The following RUNDC3B variants were observed in gnomAD, a reference collection of about 807,000 sequenced individuals.
RUNDC3B encodes the protein RUN domain-containing protein 3B.
RUNDC3B carries 33 observed loss-of-function variants against 58.4 expected under a neutral mutation model. The ratio of observed to expected loss-of-function variants is 0.56; its 90% CI spans 0.43 to 0.75. The LOEUF (loss-of-function observed/expected upper bound fraction) is 0.75, where lower values mean the gene tolerates loss of function less well. Among genes scored for constraint, RUNDC3B ranks in the 30% least tolerant of loss-of-function variants. The probability of loss-of-function intolerance (pLI) is 0.00; values close to 1 mark genes in which losing one functional copy is unlikely to be tolerated. For synonymous variants in RUNDC3B, 193 were observed against 195.2 expected (o/e 0.99, Z 0.10); for missense variants, 501 against 535.7 (o/e 0.94, Z 0.64).
In RUNDC3B at chr7:87,742,619, G is replaced by T. The variant is rs567181182; in HGVS notation, c.629+1040G>T. 3.3e-5 allele frequency among the ~76,000 whole-genome samples: 5 copies of T among 149,508 alleles called. No individual in the cohort carries two copies. The South Asian group carries it at 8.5e-4, about 25-fold the overall frequency. ...AGATAGATAGATAGATAGATAGATA[G>T]ATATCATGGTTTTTTTAATTGAGAA... On this transcript the variant is annotated intron_variant, in intron 6 of 10. Coordinates refer to ENST00000394654, the MANE Select transcript of RUNDC3B (RefSeq NM_001134405.2).
chr7:87,771,230 T>A (rs1468223673), intron 7 of RUNDC3B, among the ~76,000 whole-genome samples: 1 of 152,014 alleles, frequency 6.6e-6, no homozygotes, highest in Non-Finnish European at 1.5e-5. Flanking sequence ...ATTTTTCTCT[T>A]TTTGTCTTCT....
intron 1 of RUNDC3B, among the ~76,000 whole-genome samples, 179 bp from the exon 2 acceptor site, chr7:87,650,643 A>T (rs1175180619): frequency 6.6e-6 from 1 of 151,808 alleles, no homozygotes; most frequent in Non-Finnish European, 1.5e-5. Context: ...CAATAAAAAG[A>T]CTCCTTTCTG....
At chr7:87,682,818 C>T (rs1044065092) in intron 2 of RUNDC3B, among the ~76,000 whole-genome samples, 17 of 152,298 alleles carry the variant, frequency 1.1e-4, no homozygotes, top group African/African-American at 1.7e-4. Context: ...CCACCAGCTG[C>T]GTTAGCCCCT....
intron 10 of RUNDC3B, among the ~76,000 whole-genome samples, chr7:87,826,476 C>G (rs1049189527): frequency 6.6e-6 from 1 of 151,142 alleles, no homozygotes; most frequent in Non-Finnish European, 1.5e-5. Context: ...TGGACTAATA[C>G]AAGGTATCTA....
chr7:87,636,632 C>T (rs1392680455), intron 1 of RUNDC3B, among the ~76,000 whole-genome samples: 2 of 152,184 alleles, frequency 1.3e-5, no homozygotes, highest in African/African-American at 4.8e-5. Context: ...CAGCCTACTC[C>T]AAAGTAATGA....
At chr7:87,691,519 A>G (rs1396184896) in intron 2 of RUNDC3B, among the ~76,000 whole-genome samples, 1 of 152,114 alleles carries the variant, frequency 6.6e-6, no homozygotes, top group Non-Finnish European at 1.5e-5. Flanking sequence ...ACTTTCTTTT[A>G]ACATTATATA....
chr7:87,752,394 T>G (rs1179590496), intron 6 of RUNDC3B, among the ~76,000 whole-genome samples: 1 of 152,178 alleles, frequency 6.6e-6, no homozygotes, highest in African/African-American at 2.4e-5. Context: ...CCTCATAAAA[T>G]GAGTTAGGGA....
Position 87,747,296 on chromosome 7 carries a change from G to T in RUNDC3B, c.629+5717G>T, listed in dbSNP as rs867687497. On this transcript the variant is annotated intron_variant, in intron 6 of 10. Transcript: ENST00000394654. Reference sequence around the variant, plus strand: ...ACTTGGCTCTTGGCTTCTACTGGGGGGGTGTGTGCACAGAGTCCTGTGATG... The same window carrying T: ...ACTTGGCTCTTGGCTTCTACTGGGGTGGTGTGTGCACAGAGTCCTGTGATG... Among the ~76,000 whole-genome samples, 5 of 152,178 alleles carry T rather than the reference G, an allele frequency of 3.3e-5. No individual in the cohort carries two copies. In the South Asian group the frequency reaches 8.3e-4, roughly 25 times the overall value.
At chr7:87,824,098 G>C (rs1431373694) in intron 10 of RUNDC3B, among the ~76,000 whole-genome samples, 2 of 152,128 alleles carry the variant, frequency 1.3e-5, no homozygotes, top group African/African-American at 4.8e-5. Context: ...GGGGGTACAT[G>C]TGATAATTTG....
At chr7:87,779,674 G>C (rs958548106) in intron 8 of RUNDC3B, among the ~76,000 whole-genome samples, 3 of 152,014 alleles carry the variant, frequency 2.0e-5, no homozygotes, top group African/African-American at 7.2e-5. Context: ...TTGCAGGTTT[G>C]TTACATGGAT....
intron 8 of RUNDC3B, among the ~76,000 whole-genome samples, chr7:87,791,208 A>T (rs931780315): frequency 1.3e-5 from 2 of 152,142 alleles, no homozygotes; most frequent in African/African-American, 4.8e-5. Flanking sequence ...AAAGAAAAAA[A>T]ATTATCCTTA....
intron 6 of RUNDC3B, among the ~76,000 whole-genome samples, chr7:87,768,869 G>A (rs181927868): frequency 6.6e-6 from 1 of 151,144 alleles, no homozygotes; most frequent in Admixed American, 6.6e-5. Flanking sequence ...ACTGGCATCT[G>A]ATGTATCTAG....
chr7:87,640,379 C>T (rs1411133980), intron 1 of RUNDC3B, among the ~76,000 whole-genome samples: 1 of 151,936 alleles, frequency 6.6e-6, no homozygotes, highest in Non-Finnish European at 1.5e-5. Flanking sequence ...GAGGTTGGGT[C>T]TTGCTGTGTT....
chr7:87,819,076 G>A (rs1837251278), intron 10 of RUNDC3B, among the ~76,000 whole-genome samples: 1 of 152,154 alleles, frequency 6.6e-6, no homozygotes, highest in Non-Finnish European at 1.5e-5. Context: ...CAGATATTCT[G>A]CTATGCCAGT....
chr7:87,735,302 G>A (rs148341952), intron 4 of RUNDC3B, among the ~76,000 whole-genome samples: 38 of 152,188 alleles, frequency 2.5e-4, no homozygotes, highest in African/African-American at 8.4e-4. Flanking sequence ...TTATCTCCAT[G>A]GCTCTTACAG....
In RUNDC3B at chr7:87,790,391, C is replaced by T. The variant is rs571818132; in HGVS notation, c.956+12436C>T. 4.6e-4 allele frequency among the ~76,000 whole-genome samples: 70 copies of T among 152,266 alleles called. No homozygotes were observed. In the Middle Eastern group the frequency reaches 0.01, roughly 22 times the overall value. On this transcript the variant is annotated intron_variant, in intron 8 of 10. Coordinates refer to ENST00000394654, the MANE Select transcript of RUNDC3B (RefSeq NM_001134405.2). Reference sequence around the variant, plus strand: ...AAGAATGGGCACAAACATGTCCAGACTGCAAAGACTACAATAAATAGTTAA... The same window carrying T: ...AAGAATGGGCACAAACATGTCCAGATTGCAAAGACTACAATAAATAGTTAA...
intron 1 of RUNDC3B, among the ~76,000 whole-genome samples, chr7:87,640,972 C>T (rs1822392756): frequency 6.6e-6 from 1 of 152,102 alleles, no homozygotes; most frequent in African/African-American, 2.4e-5. Flanking sequence ...TCACATTTAT[C>T]TTAAAGTTCT....
chr7:87,697,619 C>T (rs1828605306), intron 2 of RUNDC3B, among the ~76,000 whole-genome samples: 1 of 152,156 alleles, frequency 6.6e-6, no homozygotes, highest in Non-Finnish European at 1.5e-5. Context: ...GCAAGGAGAG[C>T]TTGGTCCCTG....
At chr7:87,634,009 T>C (rs1360276547) in intron 1 of RUNDC3B, among the ~76,000 whole-genome samples, 1 of 152,032 alleles carries the variant, frequency 6.6e-6, no homozygotes, top group Non-Finnish European at 1.5e-5. Context: ...CAAAACATGG[T>C]GGAGAGAGTC....
Sources: allele counts gnomAD v4.1 joint callset (sites outside exome capture counted in the v4.1 genomes callset), GRCh38; gene constraint gnomAD v4.1.1; transcripts MANE v1.5; gene names NCBI Gene and HGNC (gene_info 2026-07-23, HGNC 2026-07-21).